The following SUCO variants were observed in gnomAD, a reference collection of about 807,000 sequenced individuals.
The protein encoded by SUCO is SUN domain containing ossification factor.
Under a neutral mutation model 148.1 loss-of-function variants are expected in SUCO, and 57 were observed. The observed-to-expected ratio is 0.38, with a 90% CI of 0.31 to 0.48. The LOEUF is 0.48. SUCO is among the 20% of genes least tolerant of loss of function. SUCO has a pLI of 0.96. For missense variants in SUCO, 1,331 were observed against 1,468.2 expected (o/e 0.91, Z 1.53); for synonymous variants, 470 against 502.7 (o/e 0.93, Z 0.87).
chr1:172,588,175 G>A (rs1571262537), intron 17 of SUCO: 8 of 985,256 alleles, frequency 8.1e-6, no homozygotes, highest in East Asian at 1.1e-4. Flanking sequence ...GTAGGTGTGT[G>A]TGTGCGTTGT....
At chr1:172,532,510 A>G (rs1337822289), upstream of SUCO, 1 of 1,613,664 alleles carries the variant, frequency 6.2e-7, no homozygotes, top group Admixed American at 1.7e-5. Flanking sequence ...CTATCTACCA[A>G]TCAACATCTA....
chr1:172,568,485 T>C (rs2149243905), intron 6 of SUCO: 1 of 934,078 alleles, frequency 1.1e-6, no homozygotes, highest in African/African-American at 1.8e-5. Flanking sequence ...TTCTGCATCT[T>C]ATTAACATGA....
At chr1:172,584,319 G>C (rs1180688610) in intron 15 of SUCO, 2 of 790,768 alleles carry the variant, frequency 2.5e-6, no homozygotes, top group Admixed American at 1.2e-4. Flanking sequence ...TTAAACTGTA[G>C]AGAATTTTTA....
Position 172,589,945 on chromosome 1 carries a change from T to C in SUCO, c.2825+19T>C. 1 of 1,505,092 alleles carries C rather than the reference T, an allele frequency of 6.6e-7. No individual in the cohort carries two copies. The allele number at this position is 1,505,092 out of a possible 1,614,324, so 93.2% of individuals were successfully genotyped here. ...GCCAAAGGTAAGCTTTATTATGAATTAGCACAGTCAGCTTCACACAGTGAG... is the reference window on the plus strand; with the variant it reads ...GCCAAAGGTAAGCTTTATTATGAATCAGCACAGTCAGCTTCACACAGTGAG... On this transcript the variant is annotated intron_variant, in intron 18 of 23. Coordinates refer to ENST00000263688, the MANE Select transcript of SUCO (RefSeq NM_014283.5).
At chr1:172,564,390 G>A (rs1479747185) in intron 6 of SUCO, among the ~76,000 whole-genome samples, 1 of 152,220 alleles carries the variant, frequency 6.6e-6, no homozygotes, top group African/African-American at 2.4e-5. Context: ...AGAACCACAG[G>A]GGTGGAGCTG....
chr1:172,575,483 T>C (rs1026455835), intron 10 of SUCO, 35 bp from the exon 11 acceptor site: 2 of 1,468,480 alleles, frequency 1.4e-6, no homozygotes, highest in Admixed American at 1.9e-5. Flanking sequence ...TGGTTTATAA[T>C]TTTTAAAAAA....
chr1:172,570,981 A>G (rs1208985174), intron 9 of SUCO, among the ~76,000 whole-genome samples: 2 of 152,250 alleles, frequency 1.3e-5, no homozygotes, highest in African/African-American at 4.8e-5. Context: ...GGTGTTATTG[A>G]AAGAGTGATG....
chr1:172,588,161 G>C, intron 17 of SUCO: 1 of 985,290 alleles, frequency 1.0e-6, no homozygotes, highest in Non-Finnish European at 1.2e-6. Flanking sequence ...ATAATCCTAT[G>C]TGTGTAGGTG....
intron 6 of SUCO, among the ~76,000 whole-genome samples, chr1:172,565,596 C>T (rs1654493555): frequency 6.6e-6 from 1 of 152,194 alleles, no homozygotes; most frequent in Non-Finnish European, 1.5e-5. Flanking sequence ...ACCCCGGGTG[C>T]AGCCAACAGT....
intron 23 of SUCO, 36 bp downstream of exon 23, chr1:172,608,838 T>A: frequency 2.2e-6 from 3 of 1,366,416 alleles, no homozygotes; most frequent in Non-Finnish European, 3.1e-6. Flanking sequence ...TATTGCTATG[T>A]TTTGTGATAA....
chr1:172,535,878 C>CT, intron 1 of SUCO, among the ~76,000 whole-genome samples: 1 of 152,218 alleles, frequency 6.6e-6, no homozygotes, highest in Non-Finnish European at 1.5e-5. Context: ...GTCTTGTAGC[C>CT]TTGAGTACTA....
chr1:172,554,737 C>CA (rs77841500), intron 3 of SUCO, among the ~76,000 whole-genome samples: 3,634 of 68,158 alleles, frequency 0.053, 122 homozygotes, highest in African/African-American at 0.14. Flanking sequence ...GACTCTGTCT[C>CA]AAAAAAAAAA....
At position 172,579,217 on chromosome 1, in the gene SUCO, A is replaced by C; in HGVS notation, c.1448A>C (p.Tyr483Ser). ...FDEDYDYPLD[Y>S]NTGEDKSSKN... ...TTTTTAACAGATTATCCACTGGATT[A>C]TAATACTGGAGAGGATAAATCCTCA... is the stretch of plus-strand genomic sequence containing the variant. Residue 483 changes from tyrosine to serine, a missense_variant, in exon 15 of 24, where the codon TAT (tyrosine) becomes TCT (serine). By Grantham distance (144) the Tyr-to-Ser change is moderately radical (BLOSUM62 -2). Coordinates refer to ENST00000263688, the MANE Select transcript of SUCO (RefSeq NM_014283.5). The C allele has an allele frequency of 1.9e-6, 3 of 1,592,610 alleles. No homozygotes were observed. Among genetic ancestry groups the C allele is most frequent in the Non-Finnish European group, 2.6e-6 (3 of 1,162,234 alleles).
At chr1:172,594,739 A>G (rs1656954706) in intron 19 of SUCO, among the ~76,000 whole-genome samples, 1 of 152,182 alleles carries the variant, frequency 6.6e-6, no homozygotes, top group Non-Finnish European at 1.5e-5. Context: ...GGTGCCGAAA[A>G]GAATGTATAT....
chr1:172,557,881 T>C (rs1026545915), intron 6 of SUCO, 87 bp downstream of exon 6: 3 of 1,099,044 alleles, frequency 2.7e-6, no homozygotes, highest in South Asian at 1.8e-5. Context: ...GCTAACTATA[T>C]TTGTCATAAA....
intron 3 of SUCO, 148 bp downstream of exon 3, chr1:172,553,518 A>G: frequency 2.3e-6 from 1 of 440,884 alleles, no homozygotes. Context: ...CTTACCTGCT[A>G]ATAGTACTAC....
At chr1:172,579,299 A>G (rs1181381148) in intron 15 of SUCO, 32 bp downstream of exon 15, 1 of 1,389,040 alleles carries the variant, frequency 7.2e-7, no homozygotes, top group African/African-American at 1.4e-5. Context: ...TATTCATTCT[A>G]CTACTTTTTC....
At chr1:172,538,601 T>C (rs978212209) in intron 1 of SUCO, among the ~76,000 whole-genome samples, 3 of 152,162 alleles carry the variant, frequency 2.0e-5, no homozygotes, top group African/African-American at 7.2e-5. Context: ...CTTTTCTGAA[T>C]AATATTTGAA....
At chr1:172,576,795 C>T (rs957789007) in intron 11 of SUCO, 7 of 585,492 alleles carry the variant, frequency 1.2e-5, no homozygotes, top group Non-Finnish European at 1.5e-5. Context: ...AGAATTGAGT[C>T]TAAAGGCAAG....
Sources: allele counts gnomAD v4.1 joint callset (sites outside exome capture counted in the v4.1 genomes callset), GRCh38; gene constraint gnomAD v4.1.1; transcripts MANE v1.5; gene names NCBI Gene and HGNC (gene_info 2026-07-23, HGNC 2026-07-21).